STK3: variants seen among roughly 807,000 people sequenced by gnomAD.
STK3 encodes the protein serine/threonine-protein kinase 3.
STK3 carries 41 observed loss-of-function variants against 58.0 expected under a neutral mutation model. The ratio of observed to expected loss-of-function variants is 0.71; its 90% CI spans 0.55 to 0.92. STK3 has a LOEUF of 0.92. Ranked by LOEUF, STK3 falls within the 40% of genes least tolerant of loss-of-function variation. STK3 has a pLI of 0.00. For synonymous variants in STK3, 170 were observed against 191.0 expected (o/e 0.89, Z 0.91); for missense variants, 479 against 602.7 (o/e 0.79, Z 2.15).
At position 98,605,956 on chromosome 8, in the gene STK3, G is replaced by A. The variant is rs141788895; in HGVS notation, c.685-9787C>T. ...GAAAGATATGTTTGTGGCCGGGTGC[G>A]GTAGCTCATGCCTGTAATCCCAGCG... On this transcript the variant is annotated intron_variant, in intron 6 of 10. Coordinates refer to ENST00000419617, the MANE Select transcript of STK3 (RefSeq NM_006281.4). 6.8e-3 allele frequency among the ~76,000 whole-genome samples: 1,035 copies of A among 152,202 alleles called. 9 individuals carry two copies. The highest frequency in any genetic ancestry group is 0.023 in the African/African-American group (962 of 41,498).
chr8:98,610,951 A>G (rs1170008760), intron 6 of STK3, among the ~76,000 whole-genome samples: 4 of 152,218 alleles, frequency 2.6e-5, no homozygotes, highest in Non-Finnish European at 1.5e-5. Context: ...ATCAAAACAT[A>G]GTAAAATATA....
intron 3 of STK3, among the ~76,000 whole-genome samples, chr8:98,766,967 C>T (rs572402728): frequency 3.9e-5 from 6 of 151,956 alleles, no homozygotes; most frequent in African/African-American, 1.4e-4. Context: ...ACTAAAAATA[C>T]AAAATTAGCC....
chr8:98,635,328 T>G (rs1180584865), intron 6 of STK3, among the ~76,000 whole-genome samples: 2 of 152,222 alleles, frequency 1.3e-5, no homozygotes, highest in Non-Finnish European at 2.9e-5. Flanking sequence ...TATGGGGCAA[T>G]GTACTAAGTA....
At chr8:98,531,980 C>A (rs1267016694) in intron 9 of STK3, among the ~76,000 whole-genome samples, 1 of 152,228 alleles carries the variant, frequency 6.6e-6, no homozygotes, top group Non-Finnish European at 1.5e-5. Flanking sequence ...CTGGTTTAAT[C>A]TTCTATCCAC....
intron 4 of STK3, among the ~76,000 whole-genome samples, chr8:98,721,497 C>A (rs1827425741): frequency 6.6e-6 from 1 of 150,808 alleles, no homozygotes; most frequent in East Asian, 1.9e-4. Flanking sequence ...AGTGAGGCCT[C>A]GTCTCTAAAA....
At position 98,876,474 on chromosome 8, in the gene STK3, T is replaced by C. The variant is rs149233131; in HGVS notation, c.110+7173A>G. On this transcript the variant is annotated intron_variant, in intron 3 of 12. Transcript: ENST00000523601. ...AGTCTGCCCTAGAGTCAGATCTCTG[T>C]CTGCCATTTGAGAAGCTAACAAGCC... Among the ~76,000 whole-genome samples the C allele has an allele frequency of 2.0e-5, 3 of 152,298 alleles. No homozygotes were observed. In the East Asian group the frequency reaches 5.8e-4, roughly 29 times the overall value.
At chr8:98,741,365 T>A (rs996737530) in intron 4 of STK3, among the ~76,000 whole-genome samples, 6 of 152,056 alleles carry the variant, frequency 3.9e-5, no homozygotes, top group Non-Finnish European at 7.3e-5. Flanking sequence ...CCTCAGCAAA[T>A]GTAAAAGATC....
At chr8:98,871,873 C>A (rs1159744340) in intron 3 of STK3, among the ~76,000 whole-genome samples, 1 of 152,132 alleles carries the variant, frequency 6.6e-6, no homozygotes, top group African/African-American at 2.4e-5. Flanking sequence ...GAACTTCCAA[C>A]ACTGTGTTGA....
intron 4 of STK3, among the ~76,000 whole-genome samples, chr8:98,729,255 G>A (rs368414404): frequency 1.7e-3 from 255 of 152,112 alleles, no homozygotes; most frequent in African/African-American, 5.8e-3. Flanking sequence ...GATTACAGGC[G>A]CATGCCAACA....
chr8:98,789,632 T>C (rs1439962133), intron 1 of STK3, among the ~76,000 whole-genome samples: 1 of 152,160 alleles, frequency 6.6e-6, no homozygotes, highest in Non-Finnish European at 1.5e-5. Flanking sequence ...AACCCCTTTA[T>C]GTGCATAAAC....
chr8:98,896,302 CA>C (rs1838443478), intron 1 of STK3, among the ~76,000 whole-genome samples: 1 of 152,166 alleles, frequency 6.6e-6, no homozygotes, highest in Non-Finnish European at 1.5e-5. Flanking sequence ...CAGTGATTTT[CA>C]AGCTTGCTTT....
chr8:98,670,841 C>A (rs1822776784), intron 6 of STK3, among the ~76,000 whole-genome samples: 1 of 152,180 alleles, frequency 6.6e-6, no homozygotes, highest in African/African-American at 2.4e-5. Flanking sequence ...CAATAAAATT[C>A]TCTGTCCTCA....
At chr8:98,621,750 T>A (rs111810535) in intron 6 of STK3, among the ~76,000 whole-genome samples, 1 of 151,988 alleles carries the variant, frequency 6.6e-6, no homozygotes, top group Non-Finnish European at 1.5e-5. Flanking sequence ...GTTCTTAAGG[T>A]GGAAGCTCAG....
At chr8:98,488,361 T>G (rs1162799212) in intron 10 of STK3, among the ~76,000 whole-genome samples, 1 of 152,234 alleles carries the variant, frequency 6.6e-6, no homozygotes, top group Non-Finnish European at 1.5e-5. Flanking sequence ...GGGATTCAGA[T>G]GCAGTTTTAT....
At chr8:98,517,064 A>G (rs1002369352) in intron 10 of STK3, among the ~76,000 whole-genome samples, 4 of 152,096 alleles carry the variant, frequency 2.6e-5, no homozygotes, top group South Asian at 2.1e-4. Context: ...TCATGAAGAA[A>G]AAAAGGTCTG....
At chr8:98,459,564 A>G (rs1819779144) in intron 10 of STK3, among the ~76,000 whole-genome samples, 1 of 152,264 alleles carries the variant, frequency 6.6e-6, no homozygotes, top group Admixed American at 6.5e-5. Flanking sequence ...AAATGTCTCC[A>G]GGGCATGTCA....
intron 1 of STK3, among the ~76,000 whole-genome samples, chr8:98,776,873 A>G (rs1831717364): frequency 6.6e-6 from 1 of 151,776 alleles, no homozygotes; most frequent in Non-Finnish European, 1.5e-5. Flanking sequence ...ACACGGTGAA[A>G]CCCCGTCTCT....
At chr8:98,404,190 C>G (rs1817971151) in intron 3 of STK3, among the ~76,000 whole-genome samples, 1 of 152,186 alleles carries the variant, frequency 6.6e-6, no homozygotes, top group African/African-American at 2.4e-5. Flanking sequence ...TGCTGTCTCT[C>G]AGAGTTCTAT....
At chr8:98,538,252 T>C (rs1809947749) in intron 9 of STK3, among the ~76,000 whole-genome samples, 2 of 152,172 alleles carry the variant, frequency 1.3e-5, no homozygotes, top group Non-Finnish European at 2.9e-5. Flanking sequence ...GCCAAGAGTA[T>C]AGTGAATACA....
Sources: allele counts gnomAD v4.1 joint callset (sites outside exome capture counted in the v4.1 genomes callset), GRCh38; gene constraint gnomAD v4.1.1; transcripts MANE v1.5; gene names NCBI Gene and HGNC (gene_info 2026-07-23, HGNC 2026-07-21).